Variants in TRAK2 observed in about 807,000 individuals in gnomAD.
TRAK2 encodes trafficking kinesin protein 2, also known as trafficking kinesin-binding protein 2.
In TRAK2, 81 loss-of-function variants were observed where a neutral mutation model predicts 104.6. The ratio of observed to expected loss-of-function variants is 0.77; its 90% CI spans 0.65 to 0.93. The LOEUF (loss-of-function observed/expected upper bound fraction) is 0.93. TRAK2 is among the 40% of genes least tolerant of loss of function. The pLI is 0.00. For missense variants in TRAK2, 1,002 were observed against 1,089.0 expected, an observed-to-expected ratio of 0.92 and a Z score of 1.12; for synonymous variants, 406 against 394.4, an observed-to-expected ratio of 1.03 and a Z score of -0.35.
chr2:201,383,401 G>A (rs942082517), intron 15 of TRAK2, among the ~76,000 whole-genome samples: 2 of 152,174 alleles, frequency 1.3e-5, no homozygotes, highest in Non-Finnish European at 2.9e-5. Flanking sequence ...GAGTCATGCA[G>A]TATCAGTTGG....
chr2:201,397,822 T>G (rs1359503239), intron 6 of TRAK2: 2 of 554,662 alleles, frequency 3.6e-6, no homozygotes. Flanking sequence ...TTTTCTGAGA[T>G]AGTTCTTATC....
At chr2:201,388,324 ATAT>A (rs1226877945) in intron 12 of TRAK2, among the ~76,000 whole-genome samples, 1 of 152,218 alleles carries the variant, frequency 6.6e-6, no homozygotes, top group Non-Finnish European at 1.5e-5. Flanking sequence ...ACGAAAGTAA[ATAT>A]TATATTTTGC....
chr2:201,401,154 T>G, intron 3 of TRAK2, 60 bp from the exon 4 acceptor site: 1 of 1,168,264 alleles, frequency 8.6e-7, no homozygotes, highest in Non-Finnish European at 1.2e-6. Context: ...ATTTAAATAT[T>G]AATAAGAATT....
chr2:201,414,711 T>A (rs2125652364), intron 2 of TRAK2, among the ~76,000 whole-genome samples: 1 of 152,228 alleles, frequency 6.6e-6, no homozygotes, highest in Admixed American at 6.5e-5. Flanking sequence ...TATTACAAGT[T>A]CCATGTGATT....
intron 6 of TRAK2, 123 bp from the exon 7 acceptor site, chr2:201,397,703 C>T (rs57595196): frequency 0.051 from 35,281 of 693,148 alleles, 2,641 homozygotes; most frequent in East Asian, 0.24. Flanking sequence ...AACCCAACAA[C>T]CTGTTCATAC....
rs1352950277 is a variant in TRAK2 at position 201,399,431 on chromosome 2, G to A, written c.426C>T (p.Val142=). The change falls in exon 5 of 16, where the codon GTC becomes GTT. Residue 142 remains valine (V), a synonymous_variant. Coordinates refer to ENST00000332624, the MANE Select transcript of TRAK2 (RefSeq NM_015049.3). The part of the protein sequence containing the change: ...IGQALLKRNH[V]LSEQNESLEE... ...CCAGGGATTCGTTCTGCTCAGATAA[G>A]ACATGGTTCCGCTTTAAGAGAGCTT... 1 of 1,612,814 alleles carries A rather than the reference G, an allele frequency of 6.2e-7. No homozygotes were observed. The highest frequency in any genetic ancestry group is 8.5e-7 in the Non-Finnish European group (1 of 1,179,054).
Position 201,381,131 on chromosome 2 carries a change from G to C in TRAK2, c.2157C>G (p.Leu719=). 1 of 1,613,912 alleles carries C rather than the reference G, an allele frequency of 6.2e-7. No individual in the cohort carries two copies. Among genetic ancestry groups the C allele is most frequent in the Non-Finnish European group, 8.5e-7 (1 of 1,179,952 alleles). The change falls in exon 16 of 16, where the codon CTC becomes CTG. Residue 719 remains leucine (L), a synonymous_variant. Coordinates refer to ENST00000332624, the MANE Select transcript of TRAK2 (RefSeq NM_015049.3). ...AVNSPALSYR[L]SIGESITNRR... is the part of the protein sequence containing the mutation. ...GGTTGGTGATGGACTCACCAATGCTGAGTCTATAGGACAAGGCAGGAGAAT... is the reference window on the plus strand; with the variant it reads ...GGTTGGTGATGGACTCACCAATGCTCAGTCTATAGGACAAGGCAGGAGAAT...
chr2:201,446,057 T>C (rs1438406484), intron 1 of TRAK2, among the ~76,000 whole-genome samples: 1 of 152,184 alleles, frequency 6.6e-6, no homozygotes, highest in East Asian at 1.9e-4. Context: ...ATAGATGAAC[T>C]TTTTCCTCTC....
chr2:201,395,458 A>C lies in TRAK2; in HGVS notation c.770-14T>G, dbSNP rs758843035. 9 of 1,503,474 alleles carry C rather than the reference A, an allele frequency of 6.0e-6. No individual in the cohort carries two copies. The highest frequency in any genetic ancestry group is 2.0e-5 in the Admixed American group (1 of 50,370). 93.1% of individuals were successfully genotyped at this position (1,503,474 alleles called of 1,614,324 possible). A position where few individuals can be genotyped will look rare whatever the true frequency, so the allele number is the denominator to read the frequency against. The stretch of plus-strand genomic sequence containing the variant: ...CATTTGTTTCACCTTGGAAGCAAAA[A>C]AAATTTTTTTAAATTAATACAAATG... On this transcript the variant is annotated splice_polypyrimidine_tract_variant and intron_variant, in intron 7 of 15. Coordinates refer to ENST00000332624, the MANE Select transcript of TRAK2 (RefSeq NM_015049.3).
At chr2:201,411,414 A>G (rs1951646189) in intron 2 of TRAK2, 6 of 745,800 alleles carry the variant, frequency 8.0e-6, no homozygotes, top group South Asian at 4.0e-5. Flanking sequence ...CTGATTCCCA[A>G]TATTTGTAAC....
In TRAK2 at chr2:201,394,311, G is replaced by A. The variant is rs182477572; in HGVS notation, c.975+487C>T. On this transcript the variant is annotated intron_variant, in intron 9 of 15. Transcript: ENST00000332624. ...GATGTTACCACGTTACTAGTTTTAG[G>A]GACAGGACTTTTAAAATGCTTTATT... is the stretch of plus-strand genomic sequence containing the variant. 2.8e-4 allele frequency among the ~76,000 whole-genome samples: 42 copies of A among 151,426 alleles called. No individual in the cohort carries two copies. In the East Asian group the frequency reaches 6.8e-3, roughly 25 times the overall value.
At chr2:201,411,071 A>T in intron 2 of TRAK2, 1 of 1,173,172 alleles carries the variant, frequency 8.5e-7, no homozygotes, top group Admixed American at 1.7e-5. Flanking sequence ...ACATCATGTC[A>T]ATGCCCATGG....
Position 201,431,543 on chromosome 2 carries a change from C to T in TRAK2, c.-199-10837G>A, listed in dbSNP as rs138833076. Among the ~76,000 whole-genome samples, 22 of 152,344 alleles carry T rather than the reference C, an allele frequency of 1.4e-4. No individual in the cohort carries two copies. The East Asian group carries it at 3.3e-3, about 23-fold the overall frequency. ...GTTTCTCTCTGCTTCTACTGTTACA[C>T]TGTCTTCTTCTGCTGTCAAGTCTCC... is the stretch of plus-strand genomic sequence containing the variant. On this transcript the variant is annotated intron_variant, in intron 1 of 15. Coordinates refer to ENST00000332624, the MANE Select transcript of TRAK2 (RefSeq NM_015049.3).
intron 15 of TRAK2, among the ~76,000 whole-genome samples, chr2:201,382,126 T>C (rs1044163095): frequency 5.9e-5 from 9 of 152,184 alleles, no homozygotes; most frequent in Non-Finnish European, 1.0e-4. Context: ...CTTTACACAA[T>C]ACATACTTGC....
chr2:201,395,485 A>G, intron 7 of TRAK2, 41 bp from the exon 8 acceptor site: 14 of 1,464,840 alleles, frequency 9.6e-6, no homozygotes, highest in Non-Finnish European at 1.1e-5. Flanking sequence ...ATACAAATGT[A>G]GAGAAGGAGT....
intron 3 of TRAK2, among the ~76,000 whole-genome samples, chr2:201,404,852 G>A (rs1172675039): frequency 2.0e-5 from 3 of 152,170 alleles, no homozygotes; most frequent in South Asian, 2.1e-4. Flanking sequence ...GACACCTACA[G>A]GCAGGTCTTG....
chr2:201,389,278 A>G, intron 12 of TRAK2, 22 bp downstream of exon 12: 1 of 1,606,088 alleles, frequency 6.2e-7, no homozygotes, highest in Non-Finnish European at 8.5e-7. Context: ...ATGCAGAATC[A>G]CTGTTATCAT....
Position 201,380,879 on chromosome 2 carries a change from C to A in TRAK2, c.2409G>T (p.Leu803Phe), listed in dbSNP as rs1417142779. 1 of 1,613,850 alleles carries A rather than the reference C, an allele frequency of 6.2e-7. No homozygotes were observed. The highest frequency in any genetic ancestry group is 1.3e-5 in the African/African-American group (1 of 74,948). ...EPRVHLSENF[L>F]ASRPAETFLQ... ...GGAATGTCTCAGCTGGTCGAGAGGCCAAAAAATTTTCAGAGAGATGCACTC... is the reference window on the plus strand; with the variant it reads ...GGAATGTCTCAGCTGGTCGAGAGGCAAAAAAATTTTCAGAGAGATGCACTC... Residue 803 changes from leucine (L) to phenylalanine (F), a missense_variant, in exon 16 of 16, where the codon TTG (leucine) becomes TTT (phenylalanine). Leu to Phe is a conservative substitution (Grantham distance 22). Transcript: ENST00000332624.
chr2:201,386,611 T>C, intron 13 of TRAK2, 127 bp from the exon 14 acceptor site: 1 of 1,278,010 alleles, frequency 7.8e-7, no homozygotes, highest in South Asian at 1.5e-5. Flanking sequence ...TTGGTGTTAA[T>C]AATTTGGTAA....
Sources: allele counts gnomAD v4.1 joint callset (sites outside exome capture counted in the v4.1 genomes callset), GRCh38; gene constraint gnomAD v4.1.1; transcripts MANE v1.5; gene names NCBI Gene and HGNC (gene_info 2026-07-23, HGNC 2026-07-21).